The following GRIA3 variants were observed in gnomAD, a reference collection of about 807,000 sequenced individuals.
The protein encoded by GRIA3 is glutamate receptor 3.
In GRIA3, 3 loss-of-function variants were observed where a neutral mutation model predicts 63.0. The observed-to-expected ratio is 0.05, with a 90% CI of 0.02 to 0.12. The LOEUF (loss-of-function observed/expected upper bound fraction) is 0.12, where lower values mean the gene tolerates loss of function less well. Among genes scored for constraint, GRIA3 ranks in the 10% least tolerant of loss-of-function variants. The pLI is 1.00. For missense variants in GRIA3, 347 were observed against 700.9 expected, an observed-to-expected ratio of 0.50 and a Z score of 5.70; for synonymous variants, 274 against 257.9, an observed-to-expected ratio of 1.06 and a Z score of -0.60.
chrX:123,312,258 C>T (rs1236423022), intron 3 of GRIA3, among the ~76,000 whole-genome samples: 1 of 112,172 alleles, frequency 8.9e-6, no homozygotes, highest in East Asian at 2.8e-4. Context: ...CAGCTATAAT[C>T]CCTCAGAGAT....
At chrX:123,446,685 C>A (rs766461548) in intron 12 of GRIA3, among the ~76,000 whole-genome samples, 2 of 112,210 alleles carry the variant, frequency 1.8e-5, no homozygotes, top group African/African-American at 6.5e-5. Flanking sequence ...CTCTTGGCTA[C>A]TGATTATCCT....
At chrX:123,407,168 C>G (rs1031637215) in intron 10 of GRIA3, among the ~76,000 whole-genome samples, 1 of 111,461 alleles carries the variant, frequency 9.0e-6, no homozygotes, top group Non-Finnish European at 1.9e-5. Flanking sequence ...CTACTACTGC[C>G]ATTATTAGCT....
intron 12 of GRIA3, among the ~76,000 whole-genome samples, chrX:123,458,222 A>T (rs1416801483): frequency 9.2e-6 from 1 of 109,190 alleles, no homozygotes; most frequent in East Asian, 2.9e-4. Context: ...ATCATGCTAC[A>T]CACCCGTGGT....
chrX:123,344,315 GCATCCTATTGTAGGCA>G (rs1014834656), intron 4 of GRIA3, among the ~76,000 whole-genome samples: 2 of 112,221 alleles, frequency 1.8e-5, no homozygotes, highest in African/African-American at 6.5e-5. Context: ...CCTGCCAAAA[GCATCCTATTGTAGGCA>G]CATGCTGTTC....
intron 12 of GRIA3, among the ~76,000 whole-genome samples, chrX:123,459,273 C>A (rs2045780100): frequency 9.0e-6 from 1 of 111,612 alleles, no homozygotes; most frequent in Non-Finnish European, 1.9e-5. Flanking sequence ...TTTGAACTTA[C>A]ATAAAGAATA....
intron 3 of GRIA3, among the ~76,000 whole-genome samples, chrX:123,254,890 A>AT (rs1277366754): frequency 1.3e-4 from 14 of 110,974 alleles, no homozygotes; most frequent in South Asian, 3.8e-4. Context: ...TGATTCTGTG[A>AT]TTTTTTTTGA....
intron 4 of GRIA3, among the ~76,000 whole-genome samples, chrX:123,350,211 G>A (rs1420394176): frequency 9.0e-6 from 1 of 111,339 alleles, no homozygotes; most frequent in African/African-American, 3.3e-5. Context: ...TTTGCAGGAT[G>A]CCTAAATCAA....
At chrX:123,239,872 A>G (rs1307651297) in intron 2 of GRIA3, among the ~76,000 whole-genome samples, 1 of 112,196 alleles carries the variant, frequency 8.9e-6, no homozygotes, top group Non-Finnish European at 1.9e-5. Context: ...GCTAGACAAG[A>G]CAGGTCTAGA....
At chrX:123,220,043 G>A (rs1928253717) in intron 2 of GRIA3, among the ~76,000 whole-genome samples, 1 of 112,116 alleles carries the variant, frequency 8.9e-6, no homozygotes, top group African/African-American at 3.2e-5. Context: ...ACAGGCTATG[G>A]GCATGATGGG....
chrX:123,481,014 C>A (rs1163610427), intron 14 of GRIA3, among the ~76,000 whole-genome samples: 1 of 111,341 alleles, frequency 9.0e-6, no homozygotes, highest in Non-Finnish European at 1.9e-5. Flanking sequence ...ACTCATTTTC[C>A]CCGTGCAATG....
intron 4 of GRIA3, among the ~76,000 whole-genome samples, chrX:123,347,271 G>C (rs781009728): frequency 9.0e-6 from 1 of 111,659 alleles, no homozygotes; most frequent in African/African-American, 3.3e-5. Flanking sequence ...AGAGAATTCT[G>C]TGTTTGCCTC....
intron 5 of GRIA3, among the ~76,000 whole-genome samples, chrX:123,371,166 A>C (rs1157207900): frequency 9.1e-6 from 1 of 110,093 alleles, no homozygotes; most frequent in African/African-American, 3.3e-5. Flanking sequence ...TATTTCTCTT[A>C]GCATAATGAC....
chrX:123,438,784 C>T (rs369438664), intron 12 of GRIA3, among the ~76,000 whole-genome samples: 4 of 112,757 alleles, frequency 3.5e-5, no homozygotes, highest in South Asian at 7.3e-4. Context: ...GGATTACAGG[C>T]GTGAGCCACC....
chrX:123,479,436 G>A (rs2147444862), intron 13 of GRIA3, among the ~76,000 whole-genome samples: 1 of 112,261 alleles, frequency 8.9e-6, no homozygotes, highest in South Asian at 3.7e-4. Flanking sequence ...ATGTGCATAA[G>A]AATTTCGACT....
At chrX:123,209,737 A>C (rs1569399560) in intron 2 of GRIA3, among the ~76,000 whole-genome samples, 1 of 111,796 alleles carries the variant, frequency 8.9e-6, no homozygotes, top group Non-Finnish European at 1.9e-5. Flanking sequence ...GCTTTTTGAA[A>C]AATATTCCCA....
intron 3 of GRIA3, among the ~76,000 whole-genome samples, chrX:123,308,666 G>A (rs2044770298): frequency 9.0e-6 from 1 of 111,368 alleles, no homozygotes. Context: ...TGGGTTACTG[G>A]AAAAAAGCCT....
chrX:123,247,869 C>CAGAG (rs909571625), intron 2 of GRIA3, among the ~76,000 whole-genome samples: 1 of 109,266 alleles, frequency 9.2e-6, no homozygotes, highest in African/African-American at 3.3e-5. Context: ...GCAAAGTACA[C>CAGAG]AGAGAGAGAG....
intron 2 of GRIA3, among the ~76,000 whole-genome samples, chrX:123,199,424 A>T (rs1927668423): frequency 9.1e-6 from 1 of 109,976 alleles, no homozygotes; most frequent in African/African-American, 3.3e-5. Context: ...CATGAGTATC[A>T]TCTCCTCTTC....
intron 3 of GRIA3, among the ~76,000 whole-genome samples, chrX:123,293,097 C>A (rs970083681): frequency 1.8e-5 from 2 of 110,234 alleles, no homozygotes; most frequent in African/African-American, 6.6e-5. Flanking sequence ...AAGCAGAACT[C>A]AGTGAGGTGC....
Sources: allele counts gnomAD v4.1 joint callset (sites outside exome capture counted in the v4.1 genomes callset), GRCh38; gene constraint gnomAD v4.1.1; transcripts MANE v1.5; gene names NCBI Gene and HGNC (gene_info 2026-07-23, HGNC 2026-07-21).